PRDM15: variants seen among roughly 807,000 people sequenced by gnomAD.
The protein encoded by PRDM15 is PR/SET domain 15.
Under a neutral mutation model 128.6 loss-of-function variants are expected in PRDM15, and 64 were observed. The observed-to-expected ratio is 0.50, with a 90% CI of 0.41 to 0.61. PRDM15 has a LOEUF of 0.61. PRDM15 is among the 20% of genes least tolerant of loss of function. PRDM15 has a pLI of 0.00. For missense variants in PRDM15, 1,242 were observed against 1,569.1 expected (o/e 0.79, Z 3.52); for synonymous variants, 615 against 621.8 (o/e 0.99, Z 0.16).
rs759401602 is a variant in PRDM15, at chr21:41,810,825, A to T, written c.2404T>A (p.Phe802Ile). 6.2e-7 allele frequency: 1 copy of T among 1,613,960 alleles called. No individual in the cohort carries two copies. The highest frequency in any genetic ancestry group is 1.3e-5 in the African/African-American group (1 of 74,914). Residue 802 changes from phenylalanine (F) to isoleucine (I), a missense_variant, in exon 20 of 24, where the codon TTC becomes ATC. Phe to Ile is a conservative substitution (Grantham distance 21). Coordinates refer to ENST00000398548, the MANE Select transcript of PRDM15 (RefSeq NM_001040424.3). The surrounding 1 kb of genome is among the most constrained non-coding windows in gnomAD (Gnocchi z 6.4). ...HCKRHTGIKD[F>I]MCELCGKTFS... ...GTCTTCCCACACAATTCACACATGA[A>T]ATCTTTAATCCCTGCAGAGAAAGGC...
intron 4 of PRDM15, among the ~76,000 whole-genome samples, chr21:41,856,732 C>T (rs141713923): frequency 3.9e-5 from 6 of 152,324 alleles, no homozygotes; most frequent in South Asian, 4.1e-4. Flanking sequence ...AACGGCCAAA[C>T]TTCACACTAT....
chr21:41,820,979 A>G (rs2062238879), intron 16 of PRDM15, 88 bp downstream of exon 16: 1 of 1,543,192 alleles, frequency 6.5e-7, no homozygotes, highest in African/African-American at 1.4e-5. Context: ...TGGAAGCTAC[A>G]AATGGCTCCT....
chr21:41,829,212 TCA>T (rs1202083353), intron 11 of PRDM15, among the ~76,000 whole-genome samples: 1 of 117,454 alleles, frequency 8.5e-6, no homozygotes, highest in Non-Finnish European at 1.8e-5. Context: ...CACATACATG[TCA>T]CACACACCAT....
intron 4 of PRDM15, among the ~76,000 whole-genome samples, chr21:41,855,558 C>T (rs987937585): frequency 2.0e-5 from 3 of 152,154 alleles, no homozygotes; most frequent in African/African-American, 7.2e-5. Context: ...GGGTGGGGGA[C>T]CACCAGGCAC....
chr21:41,860,350 C>T lies in PRDM15; in HGVS notation c.14G>A (p.Gly5Glu). The change falls in exon 2 of 24, where the codon GGG becomes GAG. Residue 5 changes from glycine to glutamate, a missense_variant. Transcript: ENST00000398548. ...ACAGATGAACATGATCTCTTCGCTC[C>T]CATCTTCAGCCATCTCTGACACCTG... MAEDGSEEIMFIWCE... is the reference protein window; with the variant it reads MAEDESEEIMFIWCE... 1.2e-6 allele frequency: 2 copies of T among 1,614,034 alleles called. No individual in the cohort carries two copies. Among genetic ancestry groups the T allele is most frequent in the Non-Finnish European group, 1.7e-6 (2 of 1,179,880 alleles).
At chr21:41,830,103 ACT>A (rs2062630691) in intron 11 of PRDM15, among the ~76,000 whole-genome samples, 1 of 151,166 alleles carries the variant, frequency 6.6e-6, no homozygotes, top group Non-Finnish European at 1.5e-5. Context: ...TACACCACAA[ACT>A]CAACACACAC....
intron 12 of PRDM15, among the ~76,000 whole-genome samples, chr21:41,827,057 G>T (rs1473648262): frequency 6.6e-6 from 1 of 152,170 alleles, no homozygotes; most frequent in Non-Finnish European, 1.5e-5. Flanking sequence ...GCAATGCTAG[G>T]GATTCAGGTC....
At chr21:41,827,785 G>A (rs2062521516) in intron 12 of PRDM15, among the ~76,000 whole-genome samples, 1 of 151,888 alleles carries the variant, frequency 6.6e-6, no homozygotes, top group Non-Finnish European at 1.5e-5. Flanking sequence ...TCTTATACTG[G>A]TTTTTCCCAC....
chr21:41,801,163 T>C lies in PRDM15; in HGVS notation c.*77A>G. 1 of 1,489,124 alleles carries C rather than the reference T, an allele frequency of 6.7e-7. No homozygotes were observed. Among genetic ancestry groups the C allele is most frequent in the South Asian group, 1.4e-5 (1 of 73,326 alleles). 92.2% of individuals were successfully genotyped at this position (1,489,124 alleles called of 1,614,324 possible). ...TGCAATGTATGACTTTTTGTTTGTTTGGTATCCAGCAAACACATCTAAACA... is the reference window on the plus strand; with the variant it reads ...TGCAATGTATGACTTTTTGTTTGTTCGGTATCCAGCAAACACATCTAAACA... On this transcript the variant is annotated 3_prime_UTR_variant, in exon 24 of 24. Coordinates refer to ENST00000398548, the MANE Select transcript of PRDM15 (RefSeq NM_001040424.3).
chr21:41,865,101 A>G (rs1161362462), intron 1 of PRDM15, among the ~76,000 whole-genome samples: 1 of 116,352 alleles, frequency 8.6e-6, no homozygotes, highest in Non-Finnish European at 1.8e-5. Flanking sequence ...CTCACTCCCC[A>G]GCCCTCTCTG....
At chr21:41,830,456 CCACA>C (rs1163743520) in intron 11 of PRDM15, among the ~76,000 whole-genome samples, 3 of 151,402 alleles carry the variant, frequency 2.0e-5, no homozygotes, top group African/African-American at 7.3e-5. Flanking sequence ...TGAACACATA[CCACA>C]CACATACACC....
At chr21:41,809,154 GT>G (rs1379200302) in intron 21 of PRDM15, among the ~76,000 whole-genome samples, 2 of 151,842 alleles carry the variant, frequency 1.3e-5, no homozygotes, top group Non-Finnish European at 2.9e-5. Flanking sequence ...CGCTTCGCGT[GT>G]TTCTCAGTGA....
intron 11 of PRDM15, among the ~76,000 whole-genome samples, chr21:41,830,405 CAT>C (rs1223388940): frequency 6.9e-6 from 1 of 145,272 alleles, no homozygotes; most frequent in Non-Finnish European, 1.5e-5. Flanking sequence ...ACACACCACA[CAT>C]AAATACACAA....
chr21:41,865,469 G>A (rs747196118), intron 1 of PRDM15, among the ~76,000 whole-genome samples: 35 of 152,058 alleles, frequency 2.3e-4, no homozygotes, highest in African/African-American at 8.2e-4. Flanking sequence ...ACAGGTCAAC[G>A]TCTGATAAGA....
rs116193126 is a variant in PRDM15, at chr21:41,869,224, T to G, written c.-9-8852A>C. Among the ~76,000 whole-genome samples, 293 of 152,268 alleles carry G rather than the reference T, an allele frequency of 1.9e-3. 3 individuals are homozygous for G. The highest frequency in any genetic ancestry group is 6.4e-3 in the African/African-American group (268 of 41,552). ...CCCTTTCACAGACTATGCTTGTGAT[T>G]ACCACATCTAAGACCTCTCTTCACC... On this transcript the variant is annotated intron_variant, in intron 1 of 23. Coordinates refer to ENST00000398548, the MANE Select transcript of PRDM15 (RefSeq NM_001040424.3).
chr21:41,854,796 G>A lies in PRDM15; in HGVS notation c.308C>T (p.Pro103Leu), dbSNP rs200141086. The change falls in exon 5 of 24, where the codon CCC (proline) becomes CTC (leucine). Residue 103 changes from proline (P) to leucine (L), a missense_variant. Coordinates refer to ENST00000398548, the MANE Select transcript of PRDM15 (RefSeq NM_001040424.3). The surrounding 1 kb of genome is among the most constrained non-coding windows in gnomAD (Gnocchi z 4.6). ...PLKVFQKDGH[P>L]VCFDTSNEDD... Reference sequence around the variant, plus strand: ...CTCGTTGGAGGTGTCGAAGCACACGGGGTGCCCGTCCTTCTGGAACACCTG... The same window carrying A: ...CTCGTTGGAGGTGTCGAAGCACACGAGGTGCCCGTCCTTCTGGAACACCTG... 3 of 1,604,590 alleles carry A rather than the reference G, an allele frequency of 1.9e-6. No homozygotes were observed. Among genetic ancestry groups the A allele is most frequent in the Non-Finnish European group, 2.6e-6 (3 of 1,172,830 alleles).
rs777294486 is a variant in PRDM15 at position 41,839,732 on chromosome 21, G to A, written c.762C>T (p.Ser254=). ...TCTGTTCTTTGGTGGCAACATTCTC[G>A]CTCTCGGGCACTGCAGGGGGTTCCC... The part of the protein sequence containing the change: ...PRGEPPAVPE[S]ENVATKEQKK... The change falls in exon 7 of 24, where the codon AGC becomes AGT. Residue 254 remains serine (S), a synonymous_variant. Transcript: ENST00000398548. 1.4e-5 allele frequency: 22 copies of A among 1,614,184 alleles called. No homozygotes were observed. In the East Asian group the frequency reaches 1.6e-4, roughly 11 times the overall value.
At chr21:41,823,169 T>G in intron 14 of PRDM15, 149 bp downstream of exon 14, 2 of 1,035,940 alleles carry the variant, frequency 1.9e-6, no homozygotes, top group Non-Finnish European at 2.9e-6. Context: ...CTATGGGGGC[T>G]TTGGGGTCTA....
rs1321231101 is a variant in PRDM15 at position 41,879,323 on chromosome 21, G to T, written c.-63C>A. 9.1e-6 allele frequency: 10 copies of T among 1,098,670 alleles called. No homozygotes were observed. The highest frequency in any genetic ancestry group is 3.9e-5 in the Admixed American group (1 of 25,740). 68.1% of individuals were successfully genotyped at this position (1,098,670 alleles called of 1,614,324 possible). A position where few individuals can be genotyped will look rare whatever the true frequency, so the allele number is the denominator to read the frequency against. ...GGATCCGGACTCCGGGTTGCGATCC[G>T]CTCCGGAAACTGCGCAGCACCGGAA... is the stretch of plus-strand genomic sequence containing the variant. On this transcript the variant is annotated 5_prime_UTR_variant, in exon 1 of 24. Transcript: ENST00000398548. This position sits in a 1 kb window ranked among gnomAD's most constrained non-coding sequence, Gnocchi z 5.1.
Sources: allele counts gnomAD v4.1 joint callset (sites outside exome capture counted in the v4.1 genomes callset), GRCh38; gene constraint gnomAD v4.1.1; non-coding constraint Gnocchi (gnomAD v3.1); transcripts MANE v1.5; gene names NCBI Gene and HGNC (gene_info 2026-07-23, HGNC 2026-07-21).